The following DNAH9 variants were observed in gnomAD, a reference collection of about 807,000 sequenced individuals.
DNAH9 encodes DNAH9 variant protein.
A neutral mutation model predicts 471.6 loss-of-function variants in DNAH9; 345 were observed. The ratio of observed to expected loss-of-function variants is 0.73; its 90% confidence interval spans 0.67 to 0.80. DNAH9 has a LOEUF of 0.80. Among genes scored for constraint, DNAH9 ranks in the 30% least tolerant of loss-of-function variants. The pLI is 0.00. For missense variants in DNAH9, 5,407 were observed against 5,609.2 expected, an observed-to-expected ratio of 0.96 and a Z score of 1.15; for synonymous variants, 2,093 against 2,123.6, an observed-to-expected ratio of 0.99 and a Z score of 0.40.
Position 11,629,522 on chromosome 17 carries a change from T to G in DNAH9, c.1456T>G (p.Phe486Val), listed in dbSNP as rs1410845445. 6.2e-7 allele frequency: 1 copy of G among 1,614,110 alleles called. No homozygotes were observed. The highest frequency in any genetic ancestry group is 1.1e-5 in the South Asian group (1 of 91,080). ...SQQVQQMHEE[F>V]QEMYRLLSGS... Reference sequence around the variant, plus strand: ...GCAGGTCCAGCAAATGCATGAAGAATTTCAAGAGATGTACAGGCTTCTCTC... The same window carrying G: ...GCAGGTCCAGCAAATGCATGAAGAAGTTCAAGAGATGTACAGGCTTCTCTC... Residue 486 changes from phenylalanine to valine, a missense_variant, in exon 7 of 69, where the codon TTT (phenylalanine) becomes GTT (valine). Coordinates refer to ENST00000262442, the MANE Select transcript of DNAH9 (RefSeq NM_001372.4).
intron 43 of DNAH9, among the ~76,000 whole-genome samples, chr17:11,803,040 A>G (rs1231904314): frequency 6.6e-6 from 1 of 152,232 alleles, no homozygotes; most frequent in Non-Finnish European, 1.5e-5. Context: ...GAATGCCTGC[A>G]TCGTAGGGTT....
At chr17:11,854,618 A>C (rs1210926395) in intron 50 of DNAH9, among the ~76,000 whole-genome samples, 190 bp downstream of exon 50, 2 of 152,216 alleles carry the variant, frequency 1.3e-5, no homozygotes, top group Non-Finnish European at 2.9e-5. Flanking sequence ...TAGGCCAAAC[A>C]AGACAATTCC....
intron 43 of DNAH9, among the ~76,000 whole-genome samples, chr17:11,799,014 C>T (rs571615292): frequency 5.9e-5 from 9 of 152,288 alleles, no homozygotes; most frequent in African/African-American, 1.9e-4. Context: ...CCATCATCCG[C>T]TAATGGCCTT....
intron 13 of DNAH9, among the ~76,000 whole-genome samples, 175 bp downstream of exon 13, chr17:11,651,499 T>C (rs900601650): frequency 1.3e-5 from 2 of 152,126 alleles, no homozygotes; most frequent in African/African-American, 4.8e-5. Flanking sequence ...ATTCCTTTTT[T>C]TCCTTTTCTA....
chr17:11,714,791 G>A (rs1215014639), intron 26 of DNAH9, among the ~76,000 whole-genome samples: 1 of 152,186 alleles, frequency 6.6e-6, no homozygotes, highest in Non-Finnish European at 1.5e-5. Context: ...GGTAGGGGCT[G>A]TGTACAAGGT....
chr17:11,659,888 C>T (rs1302711081), intron 14 of DNAH9, among the ~76,000 whole-genome samples: 3 of 152,152 alleles, frequency 2.0e-5, no homozygotes, highest in Non-Finnish European at 4.4e-5. Flanking sequence ...CTTCGTAGCC[C>T]CCACGACCTG....
chr17:11,762,997 T>TTAA (rs1438953019), intron 35 of DNAH9, among the ~76,000 whole-genome samples: 1 of 151,894 alleles, frequency 6.6e-6, no homozygotes, highest in Non-Finnish European at 1.5e-5. Context: ...GCCAGAATGG[T>TTAA]CTCGATCTCC....
intron 33 of DNAH9, 71 bp from the exon 34 acceptor site, chr17:11,756,497 G>A: frequency 2.3e-6 from 2 of 874,756 alleles, no homozygotes; most frequent in Non-Finnish European, 3.9e-6. Context: ...ATAATAATCA[G>A]CCAAATCCCC....
intron 48 of DNAH9, among the ~76,000 whole-genome samples, chr17:11,824,787 GA>G (rs1223749108): frequency 4.6e-5 from 7 of 151,982 alleles, no homozygotes; most frequent in African/African-American, 1.7e-4. Flanking sequence ...CAGTTTCACA[GA>G]AACTGTCCTA....
chr17:11,939,037 G>C (rs1974810192), intron 66 of DNAH9, among the ~76,000 whole-genome samples: 1 of 152,190 alleles, frequency 6.6e-6, no homozygotes, highest in Non-Finnish European at 1.5e-5. Flanking sequence ...TTATATAAAG[G>C]TATGGAGTCA....
chr17:11,667,995 A>G (rs918759532), intron 15 of DNAH9, among the ~76,000 whole-genome samples: 3 of 152,244 alleles, frequency 2.0e-5, no homozygotes, highest in African/African-American at 7.2e-5. Flanking sequence ...GCTCCTAAAT[A>G]TAACTACAAT....
chr17:11,720,294 A>C (rs2075032506), intron 27 of DNAH9, among the ~76,000 whole-genome samples: 1 of 151,802 alleles, frequency 6.6e-6, no homozygotes, highest in South Asian at 2.1e-4. Context: ...ACATGTGCAC[A>C]ACGTGCAGGT....
At chr17:11,621,481 T>A (rs118072843) in intron 6 of DNAH9, among the ~76,000 whole-genome samples, 498 of 149,404 alleles carry the variant, frequency 3.3e-3, no homozygotes, top group Admixed American at 7.3e-3. Flanking sequence ...CCAGCTGTCA[T>A]GAGCAGGTTT....
At chr17:11,888,169 A>T (rs895253038) in intron 57 of DNAH9, among the ~76,000 whole-genome samples, 12 of 151,828 alleles carry the variant, frequency 7.9e-5, no homozygotes, top group African/African-American at 1.9e-4. Flanking sequence ...TATTTTTAGT[A>T]GAGACGGGGT....
rs1241834746 is a variant in DNAH9, at chr17:11,826,466, T to G, written c.9246+3432T>G. ...TTTTCTTTTTCTTGGTTTTTTTTTTTTTTTTTTTTTTTGAGGCGGAGTCTT... is the reference window on the plus strand; with the variant it reads ...TTTTCTTTTTCTTGGTTTTTTTTTTGTTTTTTTTTTTTGAGGCGGAGTCTT... On this transcript the variant is annotated intron_variant, in intron 48 of 68. Coordinates refer to ENST00000262442, the MANE Select transcript of DNAH9 (RefSeq NM_001372.4). Among the ~76,000 whole-genome samples, 11 of 135,364 alleles carry G rather than the reference T, an allele frequency of 8.1e-5. No homozygotes were observed. In the East Asian group the frequency reaches 2.3e-3, roughly 29 times the overall value. 88.8% of individuals were successfully genotyped at this position (135,364 alleles called of 152,430 possible). A position where few individuals can be genotyped will look rare whatever the true frequency, so the allele number is the denominator to read the frequency against.
intron 42 of DNAH9, 116 bp from the exon 43 acceptor site, chr17:11,797,481 G>C: frequency 2.6e-6 from 2 of 764,858 alleles, no homozygotes; most frequent in Non-Finnish European, 4.2e-6. Flanking sequence ...CATGTTGGAA[G>C]TAGCACTGAT....
chr17:11,764,715 A>C (rs1008937782), intron 36 of DNAH9, among the ~76,000 whole-genome samples: 1 of 152,190 alleles, frequency 6.6e-6, no homozygotes, highest in Admixed American at 6.5e-5. Context: ...TTCTTAAAAA[A>C]AAAAATTGCG....
At chr17:11,924,774 C>T (rs1343691532) in intron 62 of DNAH9, among the ~76,000 whole-genome samples, 2 of 151,980 alleles carry the variant, frequency 1.3e-5, no homozygotes, top group African/African-American at 4.8e-5. Context: ...CAGGAGCGTA[C>T]CACCACGCCC....
chr17:11,869,754 G>A (rs1349163242), intron 51 of DNAH9, among the ~76,000 whole-genome samples: 1 of 152,194 alleles, frequency 6.6e-6, no homozygotes, highest in Non-Finnish European at 1.5e-5. Context: ...CTGCAGGTCA[G>A]GGCAGCGGTG....
Sources: allele counts gnomAD v4.1 joint callset (sites outside exome capture counted in the v4.1 genomes callset), GRCh38; gene constraint gnomAD v4.1.1; transcripts MANE v1.5; gene names NCBI Gene and HGNC (gene_info 2026-07-23, HGNC 2026-07-21).